Variants in ADAM17 observed in about 807,000 individuals in gnomAD.
ADAM17 encodes the protein disintegrin and metalloproteinase domain-containing protein 17.
Under a neutral mutation model 96.7 loss-of-function variants are expected in ADAM17, and 39 were observed. The observed-to-expected ratio is 0.40, with a 90% CI of 0.31 to 0.53. The LOEUF is 0.53. ADAM17 is among the 20% of genes least tolerant of loss of function. The pLI is 0.44. For synonymous variants in ADAM17, 344 were observed against 359.2 expected (o/e 0.96, Z 0.48); for missense variants, 777 against 1,013.2 (o/e 0.77, Z 3.17).
intron 10 of ADAM17, among the ~76,000 whole-genome samples, chr2:9,514,709 TA>T (rs1447742725): frequency 6.0e-5 from 9 of 151,184 alleles, no homozygotes; most frequent in Admixed American, 5.3e-4. Context: ...CCGTCTCTAC[TA>T]AAAATACAAA....
intron 1 of ADAM17, 144 bp downstream of exon 1, chr2:9,555,365 C>T: frequency 1.6e-6 from 1 of 615,556 alleles, no homozygotes. Context: ...CCGAGAGCCA[C>T]ACCCCCTTCT....
chr2:9,505,123 TG>T, intron 12 of ADAM17, 42 bp downstream of exon 12: 4 of 1,603,470 alleles, frequency 2.5e-6, no homozygotes, highest in Non-Finnish European at 3.4e-6. Context: ...TTGGACATCT[TG>T]TTATACCAAC....
At chr2:9,507,680 A>T (rs543851293) in intron 11 of ADAM17, among the ~76,000 whole-genome samples, 3 of 152,072 alleles carry the variant, frequency 2.0e-5, no homozygotes, top group African/African-American at 7.2e-5. Flanking sequence ...AGAAAAAAAA[A>T]GTTCTTCCCA....
At chr2:9,515,372 T>C (rs1457775044) in intron 10 of ADAM17, among the ~76,000 whole-genome samples, 1 of 152,172 alleles carries the variant, frequency 6.6e-6, no homozygotes, top group African/African-American at 2.4e-5. Context: ...GATGTGCCAG[T>C]TTATCCATTT....
At chr2:9,529,843 C>A (rs1005788529) in intron 4 of ADAM17, among the ~76,000 whole-genome samples, 1 of 151,354 alleles carries the variant, frequency 6.6e-6, no homozygotes, top group East Asian at 2.0e-4. Flanking sequence ...TGGTGGTGGG[C>A]GCCTGTAATC....
rs771618970 is a variant in ADAM17 at position 9,518,219 on chromosome 2, G to A, written c.986C>T (p.Ala329Val). Residue 329 changes from alanine to valine, a missense_variant, in exon 9 of 19, where the codon GCA becomes GTA. By Grantham distance (64) the Ala-to-Val change is moderately conservative. Around this residue, in one of 3 missense-constraint regions of ADAM17, gnomAD observed 446 missense variants for 664.7 expected, o/e 0.67. Coordinates refer to ENST00000310823, the MANE Select transcript of ADAM17 (RefSeq NM_003183.6). The stretch of plus-strand genomic sequence containing the variant: ...AAGGTGTGCCAAGCAAACTTTAGAT[G>A]CTTCCTCAGCTATATCAAAGCTAAA... The part of the protein sequence containing the change: ...EQFSFDIAEE[A>V]SKVCLAHLFT... The A allele has an allele frequency of 1.3e-6, 2 of 1,487,742 alleles. No individual in the cohort carries two copies. Among genetic ancestry groups the A allele is most frequent in the Admixed American group, 2.3e-5 (1 of 43,264 alleles). The allele number at this position is 1,487,742 out of a possible 1,614,324, so 92.2% of individuals were successfully genotyped here. A position where few individuals can be genotyped will look rare whatever the true frequency, so the allele number is the denominator to read the frequency against.
chr2:9,513,568 A>G (rs1663861434), intron 10 of ADAM17, among the ~76,000 whole-genome samples: 1 of 152,052 alleles, frequency 6.6e-6, no homozygotes, highest in African/African-American at 2.4e-5. Context: ...GAGGACACCT[A>G]GCTGATGTCT....
In ADAM17 at chr2:9,543,222, G is replaced by A. The variant is rs765820179; in HGVS notation, c.161C>T (p.Ser54Leu). ...ILSLSNIQQH[S>L]VRKRDLQTST... ...AGTCTGTAGATCTCTTTTTCTTACC[G>A]AATGCTGCTGGATATTAGATAAAGA... The change falls in exon 2 of 19, where the codon TCG becomes TTG. Residue 54 changes from serine (S) to leucine (L), a missense_variant. Coordinates refer to ENST00000310823, the MANE Select transcript of ADAM17 (RefSeq NM_003183.6). 1.7e-5 allele frequency: 28 copies of A among 1,608,648 alleles called. No individual in the cohort carries two copies. Among genetic ancestry groups the A allele is most frequent in the Middle Eastern group, 1.6e-4 (1 of 6,066 alleles).
intron 11 of ADAM17, 38 bp downstream of exon 11, chr2:9,509,941 T>C (rs763380457): frequency 1.9e-6 from 3 of 1,610,396 alleles, no homozygotes; most frequent in South Asian, 1.1e-5. Context: ...ACACAGCCTC[T>C]TTCCAAACCA....
Position 9,521,260 on chromosome 2 carries a change from C to G in ADAM17, c.900G>C (p.Met300Ile). The change falls in exon 8 of 19, where the codon ATG becomes ATC. Residue 300 changes from methionine to isoleucine, a missense_variant. This residue lies in a region of ADAM17 where 446 missense variants were observed against 664.7 expected (regional missense o/e 0.67). Transcript: ENST00000310823. ...EVKPGEKHYN[M>I]AKSYPNEEKD... ...TTTCTTCATTTGGGTAACTTTTTGC[C>G]ATGTTGTAGTGCTTTTCACCAGGTT... 6 of 1,613,020 alleles carry G rather than the reference C, an allele frequency of 3.7e-6. No individual in the cohort carries two copies. Among genetic ancestry groups the G allele is most frequent in the Non-Finnish European group, 4.2e-6 (5 of 1,179,186 alleles).
At position 9,549,177 on chromosome 2, in the gene ADAM17, C is replaced by A. The variant is rs976090079; in HGVS notation, c.98-5892G>T. Among the ~76,000 whole-genome samples, 5 of 152,200 alleles carry A rather than the reference C, an allele frequency of 3.3e-5. No individual in the cohort carries two copies. The East Asian group carries it at 7.7e-4, about 24-fold the overall frequency. On this transcript the variant is annotated intron_variant, in intron 1 of 18. Coordinates refer to ENST00000310823, the MANE Select transcript of ADAM17 (RefSeq NM_003183.6). ...CACAAGGGTGGGAGTTCAAGACCAG[C>A]CTGGCCAACATGGTAAAACCCAGTC... is the stretch of plus-strand genomic sequence containing the variant.
rs541644287 is a variant in ADAM17 at position 9,533,064 on chromosome 2, C to G, written c.450+2770G>C. Among the ~76,000 whole-genome samples the G allele has an allele frequency of 4.4e-4, 67 of 152,064 alleles. 1 individual carries two copies. The South Asian group carries it at 0.014, about 31-fold the overall frequency. ...ATTAACGGGGCATGGTGGCACACGC[C>G]TGTAATTCCAGCTACTCAAGGGACT... is the stretch of plus-strand genomic sequence containing the variant. On this transcript the variant is annotated intron_variant, in intron 4 of 18. Coordinates refer to ENST00000310823, the MANE Select transcript of ADAM17 (RefSeq NM_003183.6).
rs1331564887 is a variant in ADAM17 at position 9,507,709 on chromosome 2, A to G, written c.1344+2270T>C. Among the ~76,000 whole-genome samples the G allele has an allele frequency of 2.0e-5, 3 of 150,234 alleles. No individual in the cohort carries two copies. In the East Asian group the frequency reaches 5.8e-4, roughly 29 times the overall value. On this transcript the variant is annotated intron_variant, in intron 11 of 18. Coordinates refer to ENST00000310823, the MANE Select transcript of ADAM17 (RefSeq NM_003183.6). The stretch of plus-strand genomic sequence containing the variant: ...CTTCCCAGGCCCCATTCTCATTAGC[A>G]AGTTCTTTTTTTTCTTTTTCCTTTT...
intron 4 of ADAM17, among the ~76,000 whole-genome samples, chr2:9,531,759 A>ATTAT (rs1664748065): frequency 1.3e-5 from 2 of 152,176 alleles, no homozygotes; most frequent in Non-Finnish European, 1.5e-5. Context: ...TTAACCCAGG[A>ATTAT]TTATTTATAT....
rs145779870 is a variant in ADAM17, at chr2:9,528,290, T to G, written c.451-336A>C. ...TTCAAAAATATTATGTAATATCTAC[T>G]GTACACTGGCACTGTTATAGGTGAT... On this transcript the variant is annotated intron_variant, in intron 4 of 18. Coordinates refer to ENST00000310823, the MANE Select transcript of ADAM17 (RefSeq NM_003183.6). 7.2e-4 allele frequency among the ~76,000 whole-genome samples: 110 copies of G among 152,362 alleles called. 1 individual carries two copies. The highest frequency in any genetic ancestry group is 6.8e-3 in the Admixed American group (104 of 15,310).
At chr2:9,514,251 C>A (rs982766952) in intron 10 of ADAM17, among the ~76,000 whole-genome samples, 1 of 148,688 alleles carries the variant, frequency 6.7e-6, no homozygotes, top group Non-Finnish European at 1.5e-5. Context: ...AGCAAACTAT[C>A]GCAAGGACAA....
At chr2:9,519,293 G>A (rs1438063082) in intron 8 of ADAM17, among the ~76,000 whole-genome samples, 1 of 152,134 alleles carries the variant, frequency 6.6e-6, no homozygotes, top group Admixed American at 6.5e-5. Context: ...ATAGTTCCGT[G>A]GTAAAAGGAT....
At chr2:9,547,591 A>G (rs987853477) in intron 1 of ADAM17, among the ~76,000 whole-genome samples, 1 of 152,166 alleles carries the variant, frequency 6.6e-6, no homozygotes, top group Admixed American at 6.5e-5. Context: ...ATAGAACACA[A>G]CACTTAAAGA....
chr2:9,518,515 T>G (rs1262291796), intron 8 of ADAM17, among the ~76,000 whole-genome samples: 1 of 152,112 alleles, frequency 6.6e-6, no homozygotes, highest in African/African-American at 2.4e-5. Flanking sequence ...TCTTCAGAAC[T>G]AACTCACTGC....
Sources: gnomAD v4.1 joint callset for allele counts (sites outside exome capture counted in the v4.1 genomes callset) on GRCh38, gnomAD v4.1.1 for gene constraint, gnomAD v4.1.1 regional missense constraint, MANE v1.5 for transcripts, NCBI Gene and HGNC (gene_info 2026-07-23, HGNC 2026-07-21) for gene names.